PDZD8: variants seen among roughly 807,000 people sequenced by gnomAD.
PDZD8 encodes PDZ domain containing 8, also known as PDZ domain-containing protein 8.
A neutral mutation model predicts 85.8 loss-of-function variants in PDZD8; 14 were observed. The observed-to-expected ratio is 0.16, with a 90% CI of 0.11 to 0.26. The LOEUF (loss-of-function observed/expected upper bound fraction) is 0.26, where lower values mean the gene tolerates loss of function less well. PDZD8 is among the 10% of genes least tolerant of loss of function. The probability of loss-of-function intolerance (pLI) is 1.00; values close to 1 mark genes in which losing one functional copy is unlikely to be tolerated. For missense variants in PDZD8, 1,197 were observed against 1,424.3 expected (o/e 0.84, Z 2.57); for synonymous variants, 592 against 568.6 (o/e 1.04, Z -0.59).
chr10:117,374,281 C>T lies in PDZD8; in HGVS notation c.872+75G>A. On this transcript the variant is annotated intron_variant, in intron 1 of 4. Coordinates refer to ENST00000334464, the MANE Select transcript of PDZD8 (RefSeq NM_173791.5). This position sits in a 1 kb window ranked among gnomAD's most constrained non-coding sequence, Gnocchi z 7.8. ...GCCAGGACAGAAATGAGCCTTTGCC[C>T]TTCCCAATCCACGCAGCGTCCCGCC... is the stretch of plus-strand genomic sequence containing the variant. The T allele has an allele frequency of 6.4e-7, 1 of 1,571,134 alleles. No individual in the cohort carries two copies.
At chr10:117,354,475 T>C (rs1589588558) in intron 1 of PDZD8, among the ~76,000 whole-genome samples, 2 of 152,192 alleles carry the variant, frequency 1.3e-5, no homozygotes, top group African/African-American at 2.4e-5. Context: ...CCTTTGTGAT[T>C]TCTCCTACCC....
chr10:117,310,900 C>G (rs530389909), intron 3 of PDZD8, among the ~76,000 whole-genome samples: 1 of 152,264 alleles, frequency 6.6e-6, no homozygotes, highest in Admixed American at 6.5e-5. Context: ...TCTGGCCTAA[C>G]GTATTTGTAA....
At chr10:117,334,522 AC>A (rs1844482412) in intron 2 of PDZD8, among the ~76,000 whole-genome samples, 1 of 152,006 alleles carries the variant, frequency 6.6e-6, no homozygotes, top group African/African-American at 2.4e-5. Context: ...ACAAAACAAA[AC>A]AAAACTGACT....
chr10:117,285,866 G>T (rs1027452552), intron 4 of PDZD8: 3 of 411,114 alleles, frequency 7.3e-6, no homozygotes, highest in African/African-American at 4.3e-5. Flanking sequence ...GACTTAGAGT[G>T]AGGGAAAGCT....
chr10:117,355,672 T>C (rs536808163), intron 1 of PDZD8, among the ~76,000 whole-genome samples: 1 of 152,138 alleles, frequency 6.6e-6, no homozygotes, highest in Admixed American at 6.5e-5. Flanking sequence ...GTTACAAGAA[T>C]TGCATTGAAT....
chr10:117,366,551 A>G (rs1845093619), intron 1 of PDZD8, among the ~76,000 whole-genome samples: 1 of 151,362 alleles, frequency 6.6e-6, no homozygotes, highest in Non-Finnish European at 1.5e-5. Context: ...AAGGTCTGTC[A>G]CTACCACCAC....
intron 3 of PDZD8, 43 bp from the exon 4 acceptor site, chr10:117,290,391 C>T: frequency 6.7e-7 from 1 of 1,483,678 alleles, no homozygotes; most frequent in South Asian, 1.2e-5. Flanking sequence ...TCAATGGATT[C>T]CTAGTAATAG....
chr10:117,339,128 C>CAAAAAAAAAAAAAAAAAAAAAA (rs71013660), intron 2 of PDZD8, among the ~76,000 whole-genome samples: 1 of 129,408 alleles, frequency 7.7e-6, no homozygotes, highest in African/African-American at 3.0e-5. Flanking sequence ...TGGACTTAAC[C>CAAAAAAAAAAAAAAAAAAAAAA]AAAAAAAAAA....
intron 2 of PDZD8, among the ~76,000 whole-genome samples, chr10:117,335,440 T>C (rs986694898): frequency 3.3e-5 from 5 of 152,252 alleles, no homozygotes; most frequent in Non-Finnish European, 7.3e-5. Flanking sequence ...TACCAAAGTT[T>C]GTTCTTCTTT....
chr10:117,362,713 A>C (rs1248385456), intron 1 of PDZD8, among the ~76,000 whole-genome samples: 1 of 152,144 alleles, frequency 6.6e-6, no homozygotes, highest in Non-Finnish European at 1.5e-5. Context: ...ACTCACTTTA[A>C]GTAAGCAATT....
At chr10:117,329,141 A>G (rs1331406639) in intron 2 of PDZD8, among the ~76,000 whole-genome samples, 1 of 152,252 alleles carries the variant, frequency 6.6e-6, no homozygotes, top group East Asian at 1.9e-4. Flanking sequence ...AGCAGTAACA[A>G]TCACTGGCTA....
chr10:117,335,159 T>C (rs2490632), intron 2 of PDZD8, among the ~76,000 whole-genome samples: 4,629 of 152,184 alleles, frequency 0.03, 149 homozygotes, highest in African/African-American at 0.082. Context: ...ATGTTACATA[T>C]GGGGGAAGAA....
chr10:117,374,247 G>T lies in PDZD8; in HGVS notation c.872+109C>A. 6.7e-7 allele frequency: 1 copy of T among 1,501,558 alleles called. No homozygotes were observed. Among genetic ancestry groups the T allele is most frequent in the Non-Finnish European group, 8.9e-7 (1 of 1,120,580 alleles). 93.0% of individuals were successfully genotyped at this position (1,501,558 alleles called of 1,614,324 possible). A position where few individuals can be genotyped will look rare whatever the true frequency, so the allele number is the denominator to read the frequency against. On this transcript the variant is annotated intron_variant, in intron 1 of 4. Transcript: ENST00000334464. This position sits in a 1 kb window ranked among gnomAD's most constrained non-coding sequence, Gnocchi z 7.8. ...CCCTGTCCAGGGTGGGAAGGCCCCA[G>T]AAGCAGGCGCCAGGACAGAAATGAG...
chr10:117,314,272 G>A (rs1445986820), intron 3 of PDZD8: 1 of 152,056 alleles, frequency 6.6e-6, no homozygotes. Context: ...TTACCTTTTA[G>A]AATCGGATTA....
At chr10:117,286,825 C>G (rs1346088416) in intron 4 of PDZD8, among the ~76,000 whole-genome samples, 3 of 152,128 alleles carry the variant, frequency 2.0e-5, no homozygotes, top group Non-Finnish European at 4.4e-5. Context: ...CTTTACTAGC[C>G]CCACTATTGC....
chr10:117,350,448 TA>T (rs1478106178), intron 1 of PDZD8, among the ~76,000 whole-genome samples: 1 of 151,124 alleles, frequency 6.6e-6, no homozygotes, highest in African/African-American at 2.4e-5. Flanking sequence ...GTATTTTTAG[TA>T]GAGACGAGGT....
chr10:117,318,895 T>C lies in PDZD8; in HGVS notation c.1075A>G (p.Lys359Glu). Residue 359 changes from lysine (K) to glutamate (E), a missense_variant, in exon 3 of 5, where the codon AAA becomes GAA. Transcript: ENST00000334464. ...ACCGTCTTAATAGAACTCCTCTGTT[T>C]TTCTTCCCAAACACTACTGCTTAAC... ...LELSSSVWEEKQRSSIKTVEL... is the reference protein window; with the variant it reads ...LELSSSVWEEEQRSSIKTVEL... 1 of 1,609,616 alleles carries C rather than the reference T, an allele frequency of 6.2e-7. No individual in the cohort carries two copies. The highest frequency in any genetic ancestry group is 8.5e-7 in the Non-Finnish European group (1 of 1,176,490).
At chr10:117,347,336 C>T (rs934466289) in intron 1 of PDZD8, among the ~76,000 whole-genome samples, 4 of 152,168 alleles carry the variant, frequency 2.6e-5, no homozygotes, top group African/African-American at 7.2e-5. Context: ...TTCAGACATT[C>T]CTTTCTATTG....
In PDZD8 at chr10:117,283,545, T is replaced by C. The variant is rs1844603089; in HGVS notation, c.3188A>G (p.Glu1063Gly). The change falls in exon 5 of 5, where the codon GAG becomes GGG. Residue 1063 changes from glutamate to glycine, a missense_variant. Physicochemically the swap from Glu to Gly is moderately conservative, Grantham distance 98 (BLOSUM62 -2). This residue lies in a region of PDZD8 where 418 missense variants were observed against 571.1 expected (regional missense o/e 0.73). Transcript: ENST00000334464. ...TGATTTTTTCCTTGTATCAGTTGTC[T>C]CTTTTTCTTCTCTAACAAGGGAATT... ...HNNSLVREEK[E>G]TTDTRKKSLL... The C allele has an allele frequency of 1.9e-6, 3 of 1,614,232 alleles. No individual in the cohort carries two copies. Among genetic ancestry groups the C allele is most frequent in the Non-Finnish European group, 2.5e-6 (3 of 1,180,036 alleles).
Sources: gnomAD v4.1 joint callset for allele counts (sites outside exome capture counted in the v4.1 genomes callset) on GRCh38, gnomAD v4.1.1 for gene constraint, gnomAD v4.1.1 regional missense constraint, Gnocchi (gnomAD v3.1) non-coding constraint, MANE v1.5 for transcripts, NCBI Gene and HGNC (gene_info 2026-07-23, HGNC 2026-07-21) for gene names.